Variants in UBTF observed in about 807,000 individuals in gnomAD.
The protein encoded by UBTF is nucleolar transcription factor 1.
A neutral mutation model predicts 112.3 loss-of-function variants in UBTF; 8 were observed. The observed-to-expected ratio is 0.07, with a 90% CI of 0.04 to 0.13. The LOEUF (loss-of-function observed/expected upper bound fraction) is 0.13, where lower values mean the gene tolerates loss of function less well. UBTF is among the 10% of genes least tolerant of loss of function. UBTF has a pLI of 1.00. For synonymous variants in UBTF, 417 were observed against 373.1 expected (o/e 1.12, Z -1.36); for missense variants, 457 against 982.1 (o/e 0.47, Z 7.15).
chr17:44,218,205 T>C lies in UBTF; in HGVS notation c.25A>G (p.Thr9Ala). The C allele has an allele frequency of 6.2e-7, 1 of 1,612,530 alleles. No homozygotes were observed. Among genetic ancestry groups the C allele is most frequent in the Non-Finnish European group, 8.5e-7 (1 of 1,179,690 alleles). Reference protein sequence around the residue: MNGEADCPTDLEMAAPKGQ... With the variant: MNGEADCPADLEMAAPKGQ... ...TTGGGGGCGGCCATTTCCAGGTCTGTGGGGCAGTCGGCTTCTCCGTTCATC... is the reference window on the plus strand; with the variant it reads ...TTGGGGGCGGCCATTTCCAGGTCTGCGGGGCAGTCGGCTTCTCCGTTCATC... Residue 9 changes from threonine (T) to alanine (A), a missense_variant, in exon 2 of 21, where the codon ACA (threonine) becomes GCA (alanine). By Grantham distance (58) the Thr-to-Ala change is moderately conservative. This residue lies in a region of UBTF where 20 missense variants were observed against 29.1 expected (regional missense o/e 0.69). Transcript: ENST00000436088.
At chr17:44,212,279 C>T in intron 8 of UBTF, 65 bp downstream of exon 8, 2 of 1,405,190 alleles carry the variant, frequency 1.4e-6, no homozygotes, top group Non-Finnish European at 2.0e-6. Flanking sequence ...AGTGCGGTGG[C>T]CACGGAGTCG....
At position 44,213,236 on chromosome 17, in the gene UBTF, C is replaced by T. The variant is rs746205652; in HGVS notation, c.521G>A (p.Arg174Gln). 5 of 1,613,878 alleles carry T rather than the reference C, an allele frequency of 3.1e-6. No individual in the cohort carries two copies. Among genetic ancestry groups the T allele is most frequent in the South Asian group, 1.1e-5 (1 of 91,026 alleles). Residue 174 changes from arginine to glutamine, a missense_variant, in exon 6 of 21, where the codon CGA (arginine) becomes CAA (glutamine). Physicochemically the swap from Arg to Gln is conservative, Grantham distance 43. Coordinates refer to ENST00000436088, the MANE Select transcript of UBTF (RefSeq NM_014233.4). ...DFQREKQEFERNLARFREDHP... is the reference protein window; with the variant it reads ...DFQREKQEFEQNLARFREDHP... ...GCCTTACCTGAATCGGGCCAGGTTT[C>T]GCTCGAACTCCTGTTTCTCTCTCTG...
intron 1 of UBTF, among the ~76,000 whole-genome samples, chr17:44,218,775 C>T (rs1414154677): frequency 6.6e-6 from 1 of 150,812 alleles, no homozygotes; most frequent in African/African-American, 2.4e-5. Context: ...CCTCCGCAAC[C>T]CGGCGGGGAC....
Position 44,211,560 on chromosome 17 carries a change from T to A in UBTF, c.1047+46A>T, listed in dbSNP as rs200525141. On this transcript the variant is annotated intron_variant, in intron 10 of 20. Coordinates refer to ENST00000436088, the MANE Select transcript of UBTF (RefSeq NM_014233.4). This position sits in a 1 kb window ranked among gnomAD's most constrained non-coding sequence, Gnocchi z 4.9. ...GACTGGCCCAAGATGGGATCAGACCTCATGCTTCAAAACCCCAAGGCAGGG... is the reference window on the plus strand; with the variant it reads ...GACTGGCCCAAGATGGGATCAGACCACATGCTTCAAAACCCCAAGGCAGGG... 1.3e-6 allele frequency: 2 copies of A among 1,591,128 alleles called. No homozygotes were observed. The highest frequency in any genetic ancestry group is 2.7e-5 in the African/African-American group (2 of 74,700).
chr17:44,216,420 C>T (rs1371115302), intron 3 of UBTF, 109 bp downstream of exon 3: 1 of 1,317,654 alleles, frequency 7.6e-7, no homozygotes, highest in African/African-American at 1.5e-5. Flanking sequence ...CGGGAGACCA[C>T]ATGAATGCCT....
At position 44,212,867 on chromosome 17, in the gene UBTF, C is replaced by T. The variant is rs148568879; in HGVS notation, c.612G>A (p.Gln204=). The change falls in exon 7 of 21, where the codon CAG becomes CAA. Residue 204 remains glutamine (Q), a synonymous_variant. Coordinates refer to ENST00000436088, the MANE Select transcript of UBTF (RefSeq NM_014233.4). ...CCTTCTTCTCGTGGGTGTACCACAG[C>T]TGCTGGGGGGTTTTGGGCTTCTCTG... ...DIPEKPKTPQ[Q]LWYTHEKKVY... The T allele has an allele frequency of 2.1e-4, 335 of 1,614,150 alleles. No homozygotes were observed. In the African/African-American group the frequency reaches 3.6e-3, roughly 17 times the overall value.
At chr17:44,220,760 C>G (rs980096377), upstream of UBTF, 1 of 151,972 alleles carries the variant, frequency 6.6e-6, no homozygotes, top group Admixed American at 6.5e-5. Flanking sequence ...GATGGGAGCG[C>G]AGGCCGGGGG....
At position 44,211,561 on chromosome 17, in the gene UBTF, C is replaced by A; in HGVS notation, c.1047+45G>T. ...ACTGGCCCAAGATGGGATCAGACCT[C>A]ATGCTTCAAAACCCCAAGGCAGGGT... On this transcript the variant is annotated intron_variant, in intron 10 of 20. Coordinates refer to ENST00000436088, the MANE Select transcript of UBTF (RefSeq NM_014233.4). This position sits in a 1 kb window ranked among gnomAD's most constrained non-coding sequence, Gnocchi z 4.9. 6.3e-7 allele frequency: 1 copy of A among 1,591,708 alleles called. No homozygotes were observed. Among genetic ancestry groups the A allele is most frequent in the Non-Finnish European group, 8.5e-7 (1 of 1,170,248 alleles).
In UBTF at chr17:44,205,085, AC is replaced by A. The variant is rs906110534; in HGVS notation, c.*2156del. On this transcript the variant is annotated 3_prime_UTR_variant, in exon 21 of 21. Coordinates refer to ENST00000436088, the MANE Select transcript of UBTF (RefSeq NM_014233.4). ...ACAAAAAAGGGAAAACAAAACTTCC[AC>A]AGTTGGCTTTAAGCATAGGCAGACA... is the stretch of plus-strand genomic sequence containing the variant. 6.6e-6 allele frequency: 1 copy of A among 152,636 alleles called. No individual in the cohort carries two copies. The highest frequency in any genetic ancestry group is 1.5e-5 in the Non-Finnish European group (1 of 68,024). 9.5% of individuals were successfully genotyped at this position (152,636 alleles called of 1,614,324 possible).
At position 44,207,258 on chromosome 17, in the gene UBTF, TCTGAGGAGTCCC is replaced by T; in HGVS notation, c.2267_2278del (p.Gly756_Ser759del). 1.2e-6 allele frequency: 2 copies of T among 1,613,414 alleles called. No homozygotes were observed. The highest frequency in any genetic ancestry group is 1.7e-6 in the Non-Finnish European group (2 of 1,179,818). On this transcript the variant is annotated inframe_deletion, in exon 21 of 21. Transcript: ENST00000436088. ...GGCTGAGCCTCAGTTGGAGTCAGAG[TCTGAGGAGTCCC>T]CTGAGGAGGAGGAGCTGGAGCTGCT...
Position 44,216,643 on chromosome 17 carries a change from G to C in UBTF, c.120C>G (p.Ser40=), listed in dbSNP as rs2046857405. 2 of 1,614,090 alleles carry C rather than the reference G, an allele frequency of 1.2e-6. No individual in the cohort carries two copies. Among genetic ancestry groups the C allele is most frequent in the African/African-American group, 2.7e-5 (2 of 74,934 alleles). Residue 40 remains serine (S), a synonymous_variant, in exon 3 of 21, where the codon TCC becomes TCG. Transcript: ENST00000436088. ...TGGTTTTGAACTTGGAGCTGTCATT[G>C]GATGGAAGGTTGTTCTTCATGCATT... is the stretch of plus-strand genomic sequence containing the variant. The part of the protein sequence containing the change: ...LLECMKNNLP[S]NDSSKFKTTE...
intron 3 of UBTF, chr17:44,216,307 G>T: frequency 1.6e-6 from 1 of 620,974 alleles, no homozygotes. Context: ...CACAGCTCAG[G>T]CTGTTTGGCT....
In UBTF at chr17:44,211,349, G is replaced by A. The variant is rs1221717417; in HGVS notation, c.1048-18C>T. 3.1e-6 allele frequency: 5 copies of A among 1,613,770 alleles called. No individual in the cohort carries two copies. In the African/African-American group the frequency reaches 6.7e-5, roughly 22 times the overall value. On this transcript the variant is annotated intron_variant, in intron 10 of 20. Coordinates refer to ENST00000436088, the MANE Select transcript of UBTF (RefSeq NM_014233.4). The surrounding 1 kb of genome is among the most constrained non-coding windows in gnomAD (Gnocchi z 4.9). ...TTCTTTTTCTGGGAAAGTGAGTGGAGTCAGGATCAGTCTGGAGACAGTGTC... is the reference window on the plus strand; with the variant it reads ...TTCTTTTTCTGGGAAAGTGAGTGGAATCAGGATCAGTCTGGAGACAGTGTC...
At position 44,210,777 on chromosome 17, in the gene UBTF, G is replaced by A. The variant is rs1013779273; in HGVS notation, c.1359+15C>T. The A allele has an allele frequency of 2.1e-5, 33 of 1,556,604 alleles. No individual in the cohort carries two copies. Among genetic ancestry groups the A allele is most frequent in the Admixed American group, 7.7e-5 (4 of 52,004 alleles). ...AGCCCCCCTGGGGGCACAGCGCTCC[G>A]CCAGGCAGCCTGACCTTCTTCTTCT... is the stretch of plus-strand genomic sequence containing the variant. On this transcript the variant is annotated intron_variant, in intron 13 of 20. Transcript: ENST00000436088.
At chr17:44,209,264 G>A (rs2056496999) in intron 17 of UBTF, 88 bp downstream of exon 17, 1 of 1,380,248 alleles carries the variant, frequency 7.2e-7, no homozygotes, top group Non-Finnish European at 9.8e-7. Flanking sequence ...AGACCAGCCA[G>A]CACAAGTGGG....
upstream of UBTF, chr17:44,219,865 C>T (rs933418232): frequency 4.6e-5 from 7 of 150,946 alleles, no homozygotes; most frequent in African/African-American, 1.5e-4. Context: ...AGAGCGCACA[C>T]CGACCCCCGG....
At chr17:44,214,109 A>C (rs894266032) in intron 5 of UBTF, among the ~76,000 whole-genome samples, 1 of 152,100 alleles carries the variant, frequency 6.6e-6, no homozygotes, top group Non-Finnish European at 1.5e-5. Context: ...GCTCCCACAC[A>C]ATGTCCATCT....
chr17:44,212,639 A>C (rs911728668), intron 7 of UBTF, among the ~76,000 whole-genome samples, 180 bp downstream of exon 7: 1 of 151,864 alleles, frequency 6.6e-6, no homozygotes, highest in Non-Finnish European at 1.5e-5. Context: ...ACTGGCTCAT[A>C]CACGCACGCA....
In UBTF at chr17:44,211,920, T is replaced by C. The variant is rs1417479310; in HGVS notation, c.858A>G (p.Glu286=). The part of the protein sequence containing the change: ...GITKSTLTKA[E]RQLKDKFDGR... Reference sequence around the variant, plus strand: ...CGTCAAACTTGTCCTTGAGCTGGCGTTCGGCCTTGGTGAGGGTGGACTTGG... The same window carrying C: ...CGTCAAACTTGTCCTTGAGCTGGCGCTCGGCCTTGGTGAGGGTGGACTTGG... The change falls in exon 9 of 21, where the codon GAA becomes GAG. Residue 286 remains glutamate, a synonymous_variant. Transcript: ENST00000436088. This position sits in a 1 kb window ranked among gnomAD's most constrained non-coding sequence, Gnocchi z 4.9. 5 of 1,613,854 alleles carry C rather than the reference T, an allele frequency of 3.1e-6. No individual in the cohort carries two copies. Among genetic ancestry groups the C allele is most frequent in the Non-Finnish European group, 4.2e-6 (5 of 1,179,938 alleles).
Sources: gnomAD v4.1 joint callset for allele counts (sites outside exome capture counted in the v4.1 genomes callset) on GRCh38, gnomAD v4.1.1 for gene constraint, gnomAD v4.1.1 regional missense constraint, Gnocchi (gnomAD v3.1) non-coding constraint, MANE v1.5 for transcripts, NCBI Gene and HGNC (gene_info 2026-07-23, HGNC 2026-07-21) for gene names.